Variants in CIZ1 observed in about 807,000 individuals in gnomAD.
The protein encoded by CIZ1 is cip1-interacting zinc finger protein.
CIZ1 carries 58 observed loss-of-function variants against 118.6 expected under a neutral mutation model. The observed-to-expected ratio is 0.49, with a 90% CI of 0.40 to 0.61. CIZ1 has a LOEUF of 0.61. Among genes scored for constraint, CIZ1 ranks in the 20% least tolerant of loss-of-function variants. The pLI is 0.00. For synonymous variants in CIZ1, 448 were observed against 443.4 expected (o/e 1.01, Z -0.13); for missense variants, 921 against 1,115.9 (o/e 0.83, Z 2.49).
At chr9:128,202,685 C>G (rs1220146276) in intron 1 of CIZ1, 1 of 152,194 alleles carries the variant, frequency 6.6e-6, no homozygotes, top group Non-Finnish European at 1.5e-5. Context: ...ACAAAGATAC[C>G]TTTTTTCACC....
intron 4 of CIZ1, among the ~76,000 whole-genome samples, chr9:128,187,181 T>C (rs1832488641): frequency 6.6e-6 from 1 of 152,168 alleles, no homozygotes; most frequent in South Asian, 2.1e-4. Flanking sequence ...CTCAGGGTGA[T>C]CCGCCCACCT....
chr9:128,202,377 A>G (rs1345260954), intron 1 of CIZ1, among the ~76,000 whole-genome samples: 1 of 152,202 alleles, frequency 6.6e-6, no homozygotes, highest in East Asian at 1.9e-4. Flanking sequence ...GTGAAAGGGT[A>G]CGCAGGGTAG....
At chr9:128,173,011 C>A (rs1210813317) in intron 11 of CIZ1, among the ~76,000 whole-genome samples, 4 of 152,126 alleles carry the variant, frequency 2.6e-5, no homozygotes, top group African/African-American at 7.2e-5. Flanking sequence ...TTGCTCCAGG[C>A]TGGAGTGCAG....
upstream of CIZ1, among the ~76,000 whole-genome samples, chr9:128,192,940 G>T (rs531476534): frequency 6.6e-6 from 1 of 152,192 alleles, no homozygotes; most frequent in African/African-American, 2.4e-5. Flanking sequence ...GACGTTGGGC[G>T]GGCAGGGCGC....
At chr9:128,195,467 G>A (rs1391784932), upstream of CIZ1, among the ~76,000 whole-genome samples, 2 of 151,968 alleles carry the variant, frequency 1.3e-5, no homozygotes, top group South Asian at 2.1e-4. Flanking sequence ...ACAAGCATGC[G>A]CCACCACACC....
At chr9:128,186,252 G>A (rs45618235) in intron 4 of CIZ1, among the ~76,000 whole-genome samples, 1 of 152,080 alleles carries the variant, frequency 6.6e-6, no homozygotes, top group African/African-American at 2.4e-5. Flanking sequence ...AGGTTTCAGG[G>A]TGGGTGTTAT....
At chr9:128,172,244 G>A (rs1830235218) in intron 11 of CIZ1, among the ~76,000 whole-genome samples, 2 of 151,526 alleles carry the variant, frequency 1.3e-5, no homozygotes, top group African/African-American at 4.9e-5. Context: ...TGTAATCCCA[G>A]CACTTTGGGA....
At chr9:128,183,442 C>T (rs1366331222) in intron 5 of CIZ1, among the ~76,000 whole-genome samples, 2 of 152,214 alleles carry the variant, frequency 1.3e-5, no homozygotes, top group Admixed American at 1.3e-4. Flanking sequence ...CGGGGCCCCT[C>T]GCTGAAGGAA....
chr9:128,169,827 G>T, intron 12 of CIZ1, 193 bp downstream of exon 12: 2 of 1,078,778 alleles, frequency 1.9e-6, no homozygotes, highest in Non-Finnish European at 2.7e-6. Context: ...GATGGGGCCT[G>T]GCCTACACTG....
chr9:128,183,801 T>C (rs1463443016), intron 5 of CIZ1, among the ~76,000 whole-genome samples: 1 of 152,244 alleles, frequency 6.6e-6, no homozygotes, highest in Non-Finnish European at 1.5e-5. Context: ...AGTCTCACTC[T>C]GTCGCCCAGG....
rs752571795 is a variant in CIZ1, at chr9:128,179,318, C to G, written c.889G>C (p.Asp297His). 1 of 1,614,128 alleles carries G rather than the reference C, an allele frequency of 6.2e-7. No individual in the cohort carries two copies. The highest frequency in any genetic ancestry group is 1.1e-5 in the South Asian group (1 of 91,076). Residue 297 changes from aspartate to histidine, a missense_variant, in exon 8 of 17, where the codon GAC (aspartate) becomes CAC (histidine). Physicochemically the swap from Asp to His is moderately conservative, Grantham distance 81. Transcript: ENST00000372938. The stretch of plus-strand genomic sequence containing the variant: ...GCTTCCAGGGCCTCAGGCAGCAGGT[C>G]TGGTGTCTGTGTCTGTTTCGGTACT... ...MTVPKQTQTP[D>H]LLPEALEAQV... is the part of the protein sequence containing the mutation.
intron 4 of CIZ1, among the ~76,000 whole-genome samples, chr9:128,187,577 T>C (rs1832538018): frequency 6.6e-6 from 1 of 152,190 alleles, no homozygotes; most frequent in Admixed American, 6.6e-5. Flanking sequence ...ATAGTAAATG[T>C]TCAATTAACA....
chr9:128,169,716 G>A, intron 12 of CIZ1, 197 bp from the exon 13 acceptor site: 2 of 1,535,288 alleles, frequency 1.3e-6, no homozygotes, highest in Non-Finnish European at 1.7e-6. Context: ...AGATAGGATG[G>A]CAGATGGCAA....
At position 128,178,800 on chromosome 9, in the gene CIZ1, C is replaced by T. The variant is rs759332022; in HGVS notation, c.1407G>A (p.Pro469=). The change falls in exon 8 of 17, where the codon CCG becomes CCA. Residue 469 remains proline (P), a synonymous_variant. Transcript: ENST00000372938. ...GCTCTGGAGCCAGCAACGACACCTG[C>T]GGCTGGGTGTGAGGCTGCTCATGGG... ...EQTHEQPHTQ[P]QVSLLAPEQT... is the part of the protein sequence containing the mutation. 23 of 1,614,150 alleles carry T rather than the reference C, an allele frequency of 1.4e-5. No individual in the cohort carries two copies. The highest frequency in any genetic ancestry group is 5.3e-5 in the African/African-American group (4 of 74,954).
chr9:128,180,617 C>A, intron 6 of CIZ1, 94 bp from the exon 7 acceptor site: 1 of 1,373,300 alleles, frequency 7.3e-7, no homozygotes, highest in Non-Finnish European at 1.0e-6. Context: ...GCCTTCCCAC[C>A]AAGAACCCCT....
At chr9:128,167,418 C>T (rs1829570567) in intron 14 of CIZ1, 1 of 499,214 alleles carries the variant, frequency 2.0e-6, no homozygotes, top group African/African-American at 2.0e-5. Flanking sequence ...CTACAGGCGC[C>T]ATAATCCACG....
intron 11 of CIZ1, among the ~76,000 whole-genome samples, chr9:128,174,413 G>T: frequency 6.6e-6 from 1 of 152,228 alleles, no homozygotes; most frequent in Non-Finnish European, 1.5e-5. Flanking sequence ...GGTGCCCACT[G>T]TAGTGAGAGA....
chr9:128,198,471 C>T (rs1381923903), intron 1 of CIZ1: 1 of 152,236 alleles, frequency 6.6e-6, no homozygotes, highest in Non-Finnish European at 1.5e-5. Flanking sequence ...AATAAGGCCA[C>T]TGCTCAATTC....
intron 12 of CIZ1, 195 bp from the exon 13 acceptor site, chr9:128,169,714 T>C: frequency 6.5e-7 from 1 of 1,535,164 alleles, no homozygotes. Context: ...AGAGATAGGA[T>C]GGCAGATGGC....
Sources: gnomAD v4.1 joint callset for allele counts (sites outside exome capture counted in the v4.1 genomes callset) on GRCh38, gnomAD v4.1.1 for gene constraint, MANE v1.5 for transcripts, NCBI Gene and HGNC (gene_info 2026-07-23, HGNC 2026-07-21) for gene names.